WWOX: variants seen among roughly 807,000 people sequenced by gnomAD.
WWOX encodes the protein WW domain-containing oxidoreductase.
A neutral mutation model predicts 46.2 loss-of-function variants in WWOX; 69 were observed. That is an observed-to-expected ratio of 1.49 (90% CI 1.23 to 1.82). The LOEUF (loss-of-function observed/expected upper bound fraction) is 1.82, where lower values mean the gene tolerates loss of function less well. WWOX is among the 40% of genes most tolerant of loss of function. The pLI is 0.00. For synonymous variants in WWOX, 359 were observed against 202.6 expected, an observed-to-expected ratio of 1.77 and a Z score of -6.56; for missense variants, 919 against 542.6, an observed-to-expected ratio of 1.69 and a Z score of -6.89.
intron 7 of WWOX, among the ~76,000 whole-genome samples, chr16:78,427,755 G>A (rs1316387989): frequency 1.3e-5 from 2 of 152,060 alleles, no homozygotes; most frequent in African/African-American, 4.8e-5. Flanking sequence ...TCCAGCCTGG[G>A]TGACAGAGTG....
intron 8 of WWOX, among the ~76,000 whole-genome samples, chr16:79,166,715 T>C (rs2050601723): frequency 6.6e-6 from 1 of 152,318 alleles, no homozygotes; most frequent in African/African-American, 2.4e-5. Context: ...ACCGCTGAAC[T>C]ACCACTTCCA....
chr16:78,865,041 G>A (rs530955262), intron 8 of WWOX, among the ~76,000 whole-genome samples: 2 of 152,152 alleles, frequency 1.3e-5, no homozygotes, highest in East Asian at 3.9e-4. Flanking sequence ...GTGATTACAG[G>A]CGTGAGCCAC....
At chr16:78,922,474 G>A (rs1255518109) in intron 8 of WWOX, among the ~76,000 whole-genome samples, 3 of 151,502 alleles carry the variant, frequency 2.0e-5, no homozygotes, top group African/African-American at 7.3e-5. Context: ...TACCTCCCGG[G>A]TTCAAGCGAT....
At chr16:78,292,829 C>G (rs1189833788) in intron 5 of WWOX, among the ~76,000 whole-genome samples, 1 of 152,144 alleles carries the variant, frequency 6.6e-6, no homozygotes, top group African/African-American at 2.4e-5. Flanking sequence ...CATTAAAATA[C>G]TTTGTAAGGT....
chr16:78,940,299 T>G (rs900262980), intron 8 of WWOX, among the ~76,000 whole-genome samples: 22 of 152,236 alleles, frequency 1.4e-4, no homozygotes, highest in African/African-American at 5.3e-4. Context: ...TACCCTGATT[T>G]TTTGATTTAT....
intron 4 of WWOX, among the ~76,000 whole-genome samples, chr16:78,147,689 TTTTTTTTA>T (rs761043981): frequency 0.083 from 10,605 of 128,518 alleles, 609 homozygotes; most frequent in East Asian, 0.27. Flanking sequence ...TTTTTTTTTT[TTTTTTTTA>T]AAAAAAAAAA....
At chr16:78,660,918 C>T (rs1385523595) in intron 8 of WWOX, among the ~76,000 whole-genome samples, 2 of 152,132 alleles carry the variant, frequency 1.3e-5, no homozygotes, top group East Asian at 1.9e-4. Flanking sequence ...GTAGCTCAAC[C>T]TCCTAATACT....
intron 8 of WWOX, among the ~76,000 whole-genome samples, chr16:78,625,525 A>G (rs2046291614): frequency 6.6e-6 from 1 of 152,166 alleles, no homozygotes; most frequent in Non-Finnish European, 1.5e-5. Flanking sequence ...CTGTAGTACC[A>G]AGTTCCCATG....
intron 6 of WWOX, among the ~76,000 whole-genome samples, chr16:78,402,323 T>C (rs1290814172): frequency 6.6e-6 from 1 of 152,234 alleles, no homozygotes; most frequent in Non-Finnish European, 1.5e-5. Context: ...CATTTCTTTT[T>C]ATGGCTGAAA....
At chr16:79,176,605 T>C (rs905326783) in intron 8 of WWOX, among the ~76,000 whole-genome samples, 4 of 152,204 alleles carry the variant, frequency 2.6e-5, no homozygotes, top group African/African-American at 9.6e-5. Flanking sequence ...GTGAGAAAGT[T>C]AAACTGATGT....
intron 8 of WWOX, among the ~76,000 whole-genome samples, chr16:78,563,488 TG>T (rs2044487676): frequency 1.7e-5 from 2 of 120,470 alleles, no homozygotes; most frequent in Non-Finnish European, 3.4e-5. Flanking sequence ...CTCGTGTGGG[TG>T]AACACACACA....
At position 78,348,227 on chromosome 16, in the gene WWOX, C is replaced by T. The variant is rs920373522; in HGVS notation, c.517-38633C>T. Among the ~76,000 whole-genome samples the T allele has an allele frequency of 1.6e-5, 2 of 121,312 alleles. 1 individual carries two copies. Among genetic ancestry groups the T allele is most frequent in the Admixed American group, 1.6e-4 (2 of 12,444 alleles). 79.6% of individuals were successfully genotyped at this position (121,312 alleles called of 152,430 possible). A position where few individuals can be genotyped will look rare whatever the true frequency, so the allele number is the denominator to read the frequency against. ...TAACAAGGCAGAAGCCCAGAAGAGACTTCATGTACTGTGACTGTAATAAAG... is the reference window on the plus strand; with the variant it reads ...TAACAAGGCAGAAGCCCAGAAGAGATTTCATGTACTGTGACTGTAATAAAG... On this transcript the variant is annotated intron_variant, in intron 5 of 8. Transcript: ENST00000566780.
At chr16:78,965,564 A>T (rs2046349201) in intron 8 of WWOX, among the ~76,000 whole-genome samples, 2 of 144,006 alleles carry the variant, frequency 1.4e-5, no homozygotes, top group South Asian at 4.8e-4. Flanking sequence ...GCAAAACTCC[A>T]TCTTAAAAAA....
rs761783544 is a variant in WWOX at position 78,115,048 on chromosome 16, A to G, written c.303A>G (p.Pro101=). The G allele has an allele frequency of 7.4e-6, 12 of 1,614,096 alleles. No homozygotes were observed. Among genetic ancestry groups the G allele is most frequent in the Admixed American group, 1.7e-5 (1 of 60,004 alleles). The part of the protein sequence containing the change: ...AFTVDDNPTK[P]TTRQRYDGST... ...CTGTGGATGATAATCCGACCAAGCCAACCACCCGGCAAAGATACGACGGCA... is the reference window on the plus strand; with the variant it reads ...CTGTGGATGATAATCCGACCAAGCCGACCACCCGGCAAAGATACGACGGCA... The change falls in exon 4 of 9, where the codon CCA becomes CCG. Residue 101 remains proline (P), a synonymous_variant. Coordinates refer to ENST00000566780, the MANE Select transcript of WWOX (RefSeq NM_016373.4).
intron 8 of WWOX, among the ~76,000 whole-genome samples, chr16:79,136,145 C>T (rs1042808003): frequency 6.6e-6 from 1 of 152,090 alleles, no homozygotes; most frequent in Non-Finnish European, 1.5e-5. Context: ...GCCAATGTTG[C>T]CTGAACAGGA....
chr16:79,135,058 A>G (rs377766694), intron 8 of WWOX, among the ~76,000 whole-genome samples: 19 of 152,334 alleles, frequency 1.2e-4, no homozygotes, highest in South Asian at 1.0e-3. Context: ...TAAAAAATAT[A>G]TACAAATAAT....
At chr16:78,208,164 C>G (rs1318551189) in intron 5 of WWOX, among the ~76,000 whole-genome samples, 3 of 152,156 alleles carry the variant, frequency 2.0e-5, no homozygotes, top group Admixed American at 1.3e-4. Context: ...TTTATTCCTT[C>G]GTGGAGCTCA....
chr16:78,540,837 C>G (rs1326891504), intron 8 of WWOX, among the ~76,000 whole-genome samples: 1 of 152,116 alleles, frequency 6.6e-6, no homozygotes, highest in Non-Finnish European at 1.5e-5. Context: ...GCATGTGTCA[C>G]CATGCCAGGC....
intron 8 of WWOX, among the ~76,000 whole-genome samples, chr16:78,941,122 G>A (rs1012660728): frequency 6.6e-6 from 1 of 152,096 alleles, no homozygotes; most frequent in African/African-American, 2.4e-5. Flanking sequence ...TCTAGAAAGC[G>A]TTCTTGCAGT....
Sources: gnomAD v4.1 joint callset for allele counts (sites outside exome capture counted in the v4.1 genomes callset) on GRCh38, gnomAD v4.1.1 for gene constraint, MANE v1.5 for transcripts, NCBI Gene and HGNC (gene_info 2026-07-23, HGNC 2026-07-21) for gene names.